MACF1: variants seen among roughly 807,000 people sequenced by gnomAD.
MACF1 encodes the protein microtubule actin crosslinking factor 1.
Under a neutral mutation model 854.8 loss-of-function variants are expected in MACF1, and 193 were observed. That is an observed-to-expected ratio of 0.23 (90% confidence interval 0.20 to 0.25). The LOEUF (loss-of-function observed/expected upper bound fraction) is 0.25. Among genes scored for constraint, MACF1 ranks in the 10% least tolerant of loss-of-function variants. The probability of loss-of-function intolerance (pLI) is 1.00; values close to 1 mark genes in which losing one functional copy is unlikely to be tolerated. For missense variants in MACF1, 7,722 were observed against 8,929.1 expected (o/e 0.86, Z 5.45); for synonymous variants, 3,185 against 3,226.7 (o/e 0.99, Z 0.44).
At position 39,167,351 on chromosome 1, in the gene MACF1, GATC is replaced by G. The variant is rs201004413; in HGVS notation, c.221-63829_221-63827del. 5.0e-3 allele frequency among the ~76,000 whole-genome samples: 763 copies of G among 151,680 alleles called. 8 individuals carry two copies. The highest frequency in any genetic ancestry group is 0.017 in the African/African-American group (717 of 41,426). On this transcript the variant is annotated intron_variant, in intron 2 of 93. Transcript: ENST00000361689. The stretch of plus-strand genomic sequence containing the variant: ...GCACTTTGGGAGGCTGAGGCGGGTG[GATC>G]ACCTGAGGAGTTCAAGACCAGCCTG...
chr1:39,442,483 G>A lies in MACF1; in HGVS notation c.19020G>A (p.Leu6340=), dbSNP rs985459635. Residue 6340 remains leucine, a synonymous_variant, in exon 77 of 101, where the codon CTG becomes CTA. Transcript: ENST00000564288. ...CCTTAGAGGAACTAATGAGTTGGCTGACTCATACCGAAGAGTTGTTAGATG... is the reference window on the plus strand; with the variant it reads ...CCTTAGAGGAACTAATGAGTTGGCTAACTCATACCGAAGAGTTGTTAGATG... ...QHALEELMSW[L]THTEELLDAQ... 1 of 1,614,010 alleles carries A rather than the reference G, an allele frequency of 6.2e-7. No homozygotes were observed. Among genetic ancestry groups the A allele is most frequent in the Admixed American group, 1.7e-5 (1 of 60,010 alleles).
intron 2 of MACF1, among the ~76,000 whole-genome samples, chr1:39,110,356 C>T (rs954360955): frequency 6.0e-5 from 9 of 151,074 alleles, no homozygotes; most frequent in African/African-American, 2.4e-5. Flanking sequence ...CCTACCTCAG[C>T]CTCCCAAGTA....
chr1:39,416,517 C>A (rs1367910437), intron 58 of MACF1, among the ~76,000 whole-genome samples: 1 of 151,874 alleles, frequency 6.6e-6, no homozygotes, highest in Non-Finnish European at 1.5e-5. Flanking sequence ...CAGAATATCT[C>A]CAGTATAAAG....
At chr1:39,318,762 C>A (rs1646459869) in intron 30 of MACF1, 147 bp downstream of exon 30, 3 of 865,454 alleles carry the variant, frequency 3.5e-6, no homozygotes, top group South Asian at 4.3e-5. Context: ...GCAGGATCGT[C>A]CCAAGATACT....
chr1:39,273,438 T>G (rs1030713175), intron 6 of MACF1, among the ~76,000 whole-genome samples: 6 of 152,190 alleles, frequency 3.9e-5, no homozygotes, highest in African/African-American at 7.2e-5. Flanking sequence ...CTTTTCAGTT[T>G]ACAAGTATCC....
chr1:39,111,908 G>A lies in MACF1; in HGVS notation c.220+27470G>A, dbSNP rs115655010. Among the ~76,000 whole-genome samples the A allele has an allele frequency of 1.4e-3, 217 of 152,020 alleles. 1 individual carries two copies. Among genetic ancestry groups the A allele is most frequent in the African/African-American group, 5.0e-3 (208 of 41,468 alleles). ...TCTCTGATTCTTTGTCTCTTTCAGG[G>A]CTTTTCATAATTTGACTTACTCTGC... On this transcript the variant is annotated intron_variant, in intron 2 of 93. Transcript: ENST00000361689.
In MACF1 at chr1:39,469,568, T is replaced by G. The variant is rs1410194665; in HGVS notation, c.21911T>G (p.Ile7304Arg). Reference protein sequence around the residue: ...PCRVHHPGSKIKRSDSSSSIS... With the variant: ...PCRVHHPGSKRKRSDSSSSIS... ...CTAGTTCACCATCCTGGGAGTAAAA[T>G]AAAGCGCTCTGATTCCAGCTCTTCG... The change falls in exon 97 of 101, where the codon ATA (isoleucine) becomes AGA (arginine). Residue 7304 changes from isoleucine to arginine, a missense_variant. By Grantham distance (97) the Ile-to-Arg change is moderately conservative. Around this residue, in one of 15 missense-constraint regions of MACF1, gnomAD observed 153 missense variants for 342.5 expected, o/e 0.45. Coordinates refer to ENST00000564288, the MANE Select transcript of MACF1 (RefSeq NM_001394062.1). 9 of 1,550,424 alleles carry G rather than the reference T, an allele frequency of 5.8e-6. No homozygotes were observed. Among genetic ancestry groups the G allele is most frequent in the Non-Finnish European group, 7.8e-6 (9 of 1,146,934 alleles).
intron 89 of MACF1, among the ~76,000 whole-genome samples, chr1:39,455,514 G>T (rs1413247265): frequency 6.6e-6 from 1 of 152,200 alleles, no homozygotes; most frequent in Non-Finnish European, 1.5e-5. Context: ...CGGAGAAACT[G>T]TCCAAAGTGC....
Position 39,331,401 on chromosome 1 carries a change from A to C in MACF1, c.4813A>C (p.Asn1605His), listed in dbSNP as rs371232864. 4.3e-6 allele frequency: 7 copies of C among 1,613,882 alleles called. No homozygotes were observed. The highest frequency in any genetic ancestry group is 5.1e-6 in the Non-Finnish European group (6 of 1,180,002). Reference sequence around the variant, plus strand: ...GGAGGGCATAGCCAGAAACCTCATTAATCCCCAGATGTACCAGCAGCTCCG... The same window carrying C: ...GGAGGGCATAGCCAGAAACCTCATTCATCCCCAGATGTACCAGCAGCTCCG... Reference protein sequence around the residue: ...LEEGIARNLINPQMYQQLREL... With the variant: ...LEEGIARNLIHPQMYQQLREL... Residue 1605 changes from asparagine (N) to histidine (H), a missense_variant, in exon 37 of 101, where the codon AAT (asparagine) becomes CAT (histidine). By Grantham distance (68) the Asn-to-His change is moderately conservative (BLOSUM62 1). Around this residue, in one of 15 missense-constraint regions of MACF1, gnomAD observed 1,531 missense variants for 1,601.6 expected, o/e 0.96. Coordinates refer to ENST00000564288, the MANE Select transcript of MACF1 (RefSeq NM_001394062.1).
chr1:39,389,955 C>A lies in MACF1; in HGVS notation c.15816+1297C>A, dbSNP rs1403693085. 2.6e-5 allele frequency among the ~76,000 whole-genome samples: 4 copies of A among 152,140 alleles called. No homozygotes were observed. In the South Asian group the frequency reaches 6.2e-4, roughly 24 times the overall value. On this transcript the variant is annotated intron_variant, in intron 58 of 100. Transcript: ENST00000564288. ...CCTTAATTGCAAAAATACTTTAATT[C>A]TTTGCCTGAGCCAAAATCTCCATTC...
rs762041329 is a variant in MACF1, at chr1:39,387,642, G to A, written c.14800G>A (p.Asp4934Asn). ...AKMSELRVTL[D>N]PVQLESSLLR... is the part of the protein sequence containing the mutation. Reference sequence around the variant, plus strand: ...GATGTCTGAGTTGCGAGTCACTCTGGATCCAGTGCAGCTAGAGTCCAGTCT... The same window carrying A: ...GATGTCTGAGTTGCGAGTCACTCTGAATCCAGTGCAGCTAGAGTCCAGTCT... Residue 4934 changes from aspartate (D) to asparagine (N), a missense_variant, in exon 58 of 101, where the codon GAT becomes AAT. Coordinates refer to ENST00000564288, the MANE Select transcript of MACF1 (RefSeq NM_001394062.1). 2 of 1,614,212 alleles carry A rather than the reference G, an allele frequency of 1.2e-6. No individual in the cohort carries two copies. The highest frequency in any genetic ancestry group is 1.1e-5 in the South Asian group (1 of 91,086).
chr1:39,209,004 C>T (rs1644485704), intron 1 of MACF1, among the ~76,000 whole-genome samples: 1 of 151,818 alleles, frequency 6.6e-6, no homozygotes, highest in Non-Finnish European at 1.5e-5. Context: ...GTAATCCCAG[C>T]ACTTTGGGAG....
chr1:39,467,834 T>C (rs1270192824), intron 95 of MACF1: 2 of 152,222 alleles, frequency 1.3e-5, no homozygotes, highest in African/African-American at 4.8e-5. Context: ...TCTAAGCTTG[T>C]AATGATGCTT....
intron 44 of MACF1, among the ~76,000 whole-genome samples, chr1:39,354,876 T>C (rs1281037530): frequency 6.6e-6 from 1 of 152,238 alleles, no homozygotes; most frequent in Non-Finnish European, 1.5e-5. Flanking sequence ...CATTTATTTA[T>C]TCATTTAGTA....
intron 21 of MACF1, 81 bp downstream of exon 21, chr1:39,297,826 A>G (rs1220753377): frequency 6.5e-7 from 1 of 1,538,698 alleles, no homozygotes; most frequent in African/African-American, 1.4e-5. Context: ...TATCCTTGAA[A>G]GCTCCAGGGC....
chr1:39,396,319 C>CAAAA, intron 58 of MACF1, among the ~76,000 whole-genome samples: 1 of 81,628 alleles, frequency 1.2e-5, no homozygotes, highest in East Asian at 3.2e-4. Context: ...GACTCCATCT[C>CAAAA]AAAAAAAAAA....
intron 1 of MACF1, among the ~76,000 whole-genome samples, chr1:39,221,392 A>G (rs1418213612): frequency 6.6e-6 from 1 of 152,224 alleles, no homozygotes; most frequent in Non-Finnish European, 1.5e-5. Context: ...TGCCACAGCT[A>G]TCAATTTTTA....
chr1:39,125,915 C>T (rs1297740417), intron 2 of MACF1, among the ~76,000 whole-genome samples: 1 of 152,188 alleles, frequency 6.6e-6, no homozygotes, highest in African/African-American at 2.4e-5. Flanking sequence ...ATCGCTTTAA[C>T]CCGGGAGGCG....
In MACF1 at chr1:39,332,843, A is replaced by G; in HGVS notation, c.6255A>G (p.Gln2085=). 1 of 1,614,116 alleles carries G rather than the reference A, an allele frequency of 6.2e-7. No homozygotes were observed. The highest frequency in any genetic ancestry group is 8.5e-7 in the Non-Finnish European group (1 of 1,180,004). Residue 2085 remains glutamine, a synonymous_variant, in exon 37 of 101, where the codon CAA becomes CAG. Transcript: ENST00000564288. ...ENPEQDLFVE[Q]KERNPNIDAL... is the part of the protein sequence containing the mutation. ...CTGAACAGGATCTGTTTGTAGAACAAAAAGAGAGAAATCCAAACATTGATG... is the reference window on the plus strand; with the variant it reads ...CTGAACAGGATCTGTTTGTAGAACAGAAAGAGAGAAATCCAAACATTGATG...
Sources: allele counts gnomAD v4.1 joint callset (sites outside exome capture counted in the v4.1 genomes callset), GRCh38; gene constraint gnomAD v4.1.1; regional missense constraint gnomAD v4.1.1; transcripts MANE v1.5; gene names NCBI Gene and HGNC (gene_info 2026-07-23, HGNC 2026-07-21).